Variants in SLC22A16 observed in about 807,000 individuals in gnomAD.
SLC22A16 encodes WUGSC:RG331P03.1.
A neutral mutation model predicts 52.9 loss-of-function variants in SLC22A16; 53 were observed. The observed-to-expected ratio is 1.00, with a 90% confidence interval of 0.80 to 1.26. SLC22A16 has a LOEUF of 1.26. SLC22A16 is among the 50% of genes most tolerant of loss of function. The probability of loss-of-function intolerance (pLI) is 0.00; values close to 1 mark genes in which losing one functional copy is unlikely to be tolerated. For missense variants in SLC22A16, 726 were observed against 704.0 expected (o/e 1.03, Z -0.35); for synonymous variants, 291 against 268.8 (o/e 1.08, Z -0.81).
At chr6:110,476,304 G>T in intron 1 of SLC22A16, 3 of 1,351,338 alleles carry the variant, frequency 2.2e-6, no homozygotes, top group Non-Finnish European at 2.9e-6. Flanking sequence ...CGAGCCCAGC[G>T]CCTCTGCTCA....
chr6:110,447,037 A>C, intron 2 of SLC22A16, 47 bp from the exon 3 acceptor site: 1 of 1,441,378 alleles, frequency 6.9e-7, no homozygotes, highest in East Asian at 2.3e-5. Context: ...TAGAGTTGTA[A>C]CAGTTTAAAC....
At chr6:110,466,817 C>T (rs370642005) in intron 1 of SLC22A16, among the ~76,000 whole-genome samples, 16 of 152,150 alleles carry the variant, frequency 1.1e-4, no homozygotes, top group African/African-American at 3.4e-4. Context: ...AAAAAGACAC[C>T]TGCATTTGTC....
chr6:110,456,865 C>T lies in SLC22A16; in HGVS notation c.206G>A (p.Trp69Ter). 6.2e-7 allele frequency: 1 copy of T among 1,614,060 alleles called. No individual in the cohort carries two copies. Among genetic ancestry groups the T allele is most frequent in the Middle Eastern group, 1.6e-4 (1 of 6,062 alleles). Residue 69 changes from tryptophan (W) to a stop codon, truncating the protein, a stop_gained, in exon 2 of 8, where the codon TGG (tryptophan) becomes TAG (stop). Transcript: ENST00000368919. LOFTEE classifies it high-confidence loss of function. ...SQVVFHNHSN[W>*]SLEDTGALLS... ...CAGGGCCCCGGTGTCCTCCAAACTC[C>T]AATTAGAGTGATTATGGAAAACAAC... is the stretch of plus-strand genomic sequence containing the variant.
Position 110,431,267 on chromosome 6 carries a change from C to G in SLC22A16, c.1425G>C (p.Ser475=). Residue 475 remains serine (S), a synonymous_variant, in exon 7 of 8, where the codon TCG becomes TCC. Coordinates refer to ENST00000368919, the MANE Select transcript of SLC22A16 (RefSeq NM_033125.4). Reference sequence around the variant, plus strand: ...CCATGCTGCCGCTTCCCACAGCCAGCGATCTGGAAACAGAGGAGAGAGGCT... The same window carrying G: ...CCATGCTGCCGCTTCCCACAGCCAGGGATCTGGAAACAGAGGAGAGAGGCT... ...TAELYPTIVR[S]LAVGSGSMVC... The G allele has an allele frequency of 6.2e-7, 1 of 1,611,420 alleles. No individual in the cohort carries two copies. Among genetic ancestry groups the G allele is most frequent in the Non-Finnish European group, 8.5e-7 (1 of 1,179,686 alleles).
At position 110,438,061 on chromosome 6, in the gene SLC22A16, C is replaced by T. The variant is rs746164805; in HGVS notation, c.1311+659G>A. Among the ~76,000 whole-genome samples, 43 of 152,120 alleles carry T rather than the reference C, an allele frequency of 2.8e-4. 2 individuals carry two copies. The highest frequency in any genetic ancestry group is 9.7e-5 in the African/African-American group (4 of 41,422). ...TACATGTCGCCTCCTCCGAGAGGTG[C>T]ACCATCCTCGACCACCCTAGACAAA... On this transcript the variant is annotated intron_variant, in intron 5 of 7. Transcript: ENST00000368919.
chr6:110,474,849 A>G, intron 1 of SLC22A16: 3 of 500,348 alleles, frequency 6.0e-6, no homozygotes, highest in Non-Finnish European at 1.2e-5. Flanking sequence ...TTGATTGGGC[A>G]CTTTAGTCAA....
chr6:110,462,151 T>C (rs1775908303), intron 1 of SLC22A16, among the ~76,000 whole-genome samples: 1 of 152,176 alleles, frequency 6.6e-6, no homozygotes, highest in Admixed American at 6.5e-5. Flanking sequence ...TGCCTCCATG[T>C]TTCAATCATC....
At chr6:110,438,392 C>T (rs1427802629) in intron 5 of SLC22A16, among the ~76,000 whole-genome samples, 1 of 152,038 alleles carries the variant, frequency 6.6e-6, no homozygotes, top group Admixed American at 6.6e-5. Context: ...TGGCAGTGAT[C>T]AGAGCTCACT....
chr6:110,476,292 A>G, intron 1 of SLC22A16: 1 of 1,323,414 alleles, frequency 7.6e-7, no homozygotes, highest in African/African-American at 1.5e-5. Flanking sequence ...GCGCACTCCG[A>G]GCGAGCCCAG....
intron 1 of SLC22A16, chr6:110,474,919 A>T (rs7747628): frequency 0.041 from 21,426 of 518,852 alleles, 3,689 homozygotes; most frequent in African/African-American, 0.37. Flanking sequence ...ACTAAGATGT[A>T]AGTACCACCT....
intron 6 of SLC22A16, among the ~76,000 whole-genome samples, chr6:110,431,553 G>A (rs1457211833): frequency 6.6e-6 from 1 of 152,200 alleles, no homozygotes; most frequent in Non-Finnish European, 1.5e-5. Context: ...GAGGGTCACA[G>A]CCGAGGAGGA....
chr6:110,456,272 A>G (rs1775647901), intron 2 of SLC22A16: 1 of 418,960 alleles, frequency 2.4e-6, no homozygotes, highest in Admixed American at 4.0e-5. Context: ...CTATAGACAA[A>G]GATTCTGAAA....
intron 5 of SLC22A16, among the ~76,000 whole-genome samples, chr6:110,437,597 G>A (rs1477909072): frequency 1.3e-5 from 2 of 152,118 alleles, no homozygotes; most frequent in Non-Finnish European, 2.9e-5. Context: ...AATTTCAAAC[G>A]ATATGCAAAA....
chr6:110,443,183 A>G (rs1436929948), intron 3 of SLC22A16, among the ~76,000 whole-genome samples: 1 of 152,250 alleles, frequency 6.6e-6, no homozygotes, highest in Non-Finnish European at 1.5e-5. Context: ...ACTAGTGGTA[A>G]GAAAAACTGA....
At position 110,456,944 on chromosome 6, in the gene SLC22A16, A is replaced by T; in HGVS notation, c.127T>A (p.Phe43Ile). 6.2e-7 allele frequency: 1 copy of T among 1,608,222 alleles called. No individual in the cohort carries two copies. The highest frequency in any genetic ancestry group is 8.5e-7 in the Non-Finnish European group (1 of 1,177,306). Reference protein sequence around the residue: ...SCGIHYLASVFMGVTPHHVCR... With the variant: ...SCGIHYLASVIMGVTPHHVCR... The stretch of plus-strand genomic sequence containing the variant: ...ACATGATGAGGGGTGACTCCCATGA[A>T]CACAGAAGCCAAGTAGTGAATACCA... Residue 43 changes from phenylalanine to isoleucine, a missense_variant, in exon 2 of 8, where the codon TTC (phenylalanine) becomes ATC (isoleucine). Transcript: ENST00000368919.
intron 6 of SLC22A16, among the ~76,000 whole-genome samples, chr6:110,434,175 G>T (rs62421679): frequency 0.01 from 1,564 of 152,230 alleles, 15 homozygotes; most frequent in Middle Eastern, 0.031. Flanking sequence ...GGGAGGTAAG[G>T]TTGCAGTGAG....
At chr6:110,425,441 G>A (rs1273345940) in intron 7 of SLC22A16, 2 of 1,305,260 alleles carry the variant, frequency 1.5e-6, no homozygotes, top group African/African-American at 1.5e-5. Flanking sequence ...GAATCTTGTG[G>A]AGAAGACAAG....
At chr6:110,465,640 G>A (rs1776035530) in intron 1 of SLC22A16, among the ~76,000 whole-genome samples, 1 of 151,962 alleles carries the variant, frequency 6.6e-6, no homozygotes, top group African/African-American at 2.4e-5. Context: ...GAAATCAGAA[G>A]TGACACAAAA....
intron 6 of SLC22A16, among the ~76,000 whole-genome samples, chr6:110,433,351 C>T (rs921081795): frequency 6.6e-6 from 1 of 152,170 alleles, no homozygotes; most frequent in African/African-American, 2.4e-5. Context: ...ACAGTCAACA[C>T]AAATGTACTT....
Sources: allele counts gnomAD v4.1 joint callset (sites outside exome capture counted in the v4.1 genomes callset), GRCh38; gene constraint gnomAD v4.1.1; transcripts MANE v1.5; gene names NCBI Gene and HGNC (gene_info 2026-07-23, HGNC 2026-07-21).